The following ASIP variants were observed in gnomAD, a reference collection of about 807,000 sequenced individuals.
The protein encoded by ASIP is agouti-signaling protein.
ASIP carries 11 observed loss-of-function variants against 10.3 expected under a neutral mutation model. The ratio of observed to expected loss-of-function variants is 1.07; its 90% CI spans 0.68 to 1.78. ASIP has a LOEUF of 1.78. Among genes scored for constraint, ASIP ranks in the 40% most tolerant of loss-of-function variants. The pLI is 0.00. For missense variants in ASIP, 180 were observed against 169.2 expected (o/e 1.06, Z -0.35); for synonymous variants, 70 against 70.8 (o/e 0.99, Z 0.06).
intron 1 of ASIP, among the ~76,000 whole-genome samples, chr20:34,224,045 A>C (rs1319940066): frequency 4.3e-4 from 55 of 128,774 alleles, no homozygotes; most frequent in African/African-American, 1.2e-3. Context: ...GTCATCACCA[A>C]TCCCTAATCT....
At chr20:34,245,129 T>G (rs532380650) in intron 1 of ASIP, among the ~76,000 whole-genome samples, 1 of 150,404 alleles carries the variant, frequency 6.6e-6, no homozygotes, top group Non-Finnish European at 1.5e-5. Context: ...AGGTCAGGAG[T>G]TCGAGACCAG....
chr20:34,232,141 G>A (rs1029118199), intron 1 of ASIP, among the ~76,000 whole-genome samples: 1 of 152,152 alleles, frequency 6.6e-6, no homozygotes, highest in Non-Finnish European at 1.5e-5. Flanking sequence ...ACTGAGTTTG[G>A]GGAACCCACA....
At chr20:34,221,322 GA>G (rs1219851724) in intron 1 of ASIP, among the ~76,000 whole-genome samples, 1 of 151,948 alleles carries the variant, frequency 6.6e-6, no homozygotes, top group Non-Finnish European at 1.5e-5. Context: ...AGCTTAAGGT[GA>G]GCCGAGATCG....
intron 1 of ASIP, among the ~76,000 whole-genome samples, chr20:34,245,474 G>C (rs566321101): frequency 6.7e-6 from 1 of 148,500 alleles, no homozygotes; most frequent in African/African-American, 2.5e-5. Context: ...TGCAACCTCC[G>C]CCTCCCAGGT....
chr20:34,263,661 C>CTTTTTTT (rs200772515), intron 3 of ASIP, among the ~76,000 whole-genome samples: 7 of 134,420 alleles, frequency 5.2e-5, no homozygotes, highest in Non-Finnish European at 6.1e-5. Flanking sequence ...TATTTTATGT[C>CTTTTTTT]TTTTTTTTTT....
upstream of ASIP, among the ~76,000 whole-genome samples, chr20:34,239,584 T>A (rs2122600939): frequency 6.6e-6 from 1 of 152,338 alleles, no homozygotes; most frequent in South Asian, 2.1e-4. Context: ...GCGTCTACAT[T>A]ATCTCATTGG....
In ASIP at chr20:34,230,724, A is replaced by AC. The variant is rs1193705955; in HGVS notation, c.-10-29634dup. On this transcript the variant is annotated intron_variant, in intron 1 of 3. Transcript: ENST00000568305. ...GGGCGGCTGGCCGGGCGGGGGGCTG[A>AC]CCCCCCCACCTCCCTCCCGGATGGG... 6.1e-5 allele frequency among the ~76,000 whole-genome samples: 2 copies of AC among 32,796 alleles called. 1 individual carries two copies. Among genetic ancestry groups the AC allele is most frequent in the Non-Finnish European group, 9.9e-5 (2 of 20,124 alleles). The allele number at this position is 32,796 out of a possible 152,430, so 21.5% of individuals were successfully genotyped here.
At position 34,215,578 on chromosome 20, in the gene ASIP, G is replaced by A. The variant is rs115931157; in HGVS notation, c.-11+20818G>A. ...CAAAAAGCAAGGCGAGGACTTGGGC[G>A]GCTTTATTTGGTATAAAGGTCTTCT... On this transcript the variant is annotated intron_variant, in intron 1 of 3. Transcript: ENST00000568305. 1.8e-3 allele frequency: 2,664 copies of A among 1,494,414 alleles called. 47 individuals are homozygous for A. The African/African-American group carries it at 0.034, about 19-fold the overall frequency. The allele number at this position is 1,494,414 out of a possible 1,614,324, so 92.6% of individuals were successfully genotyped here.
chr20:34,265,852 A>C (rs1456392272), intron 3 of ASIP, among the ~76,000 whole-genome samples: 1 of 150,896 alleles, frequency 6.6e-6, no homozygotes, highest in Non-Finnish European at 1.5e-5. Flanking sequence ...CAGGAGACTG[A>C]GGCAGGAGAA....
In ASIP at chr20:34,226,684, AATAG is replaced by A. The variant is rs558353012; in HGVS notation, c.-11+31926_-11+31929del. 2.0e-5 allele frequency among the ~76,000 whole-genome samples: 3 copies of A among 152,296 alleles called. No individual in the cohort carries two copies. In the South Asian group the frequency reaches 6.2e-4, roughly 32 times the overall value. Reference sequence around the variant, plus strand: ...TTTTAAAAAGTCTTAACAAACTAATAATAGAAAGGAACTTCCTCAGTCTGATAAA... The same window carrying A: ...TTTTAAAAAGTCTTAACAAACTAATAAAAGGAACTTCCTCAGTCTGATAAA... On this transcript the variant is annotated intron_variant, in intron 1 of 3. Transcript: ENST00000568305.
At chr20:34,235,848 G>GAAA (rs2035184106) in intron 1 of ASIP, among the ~76,000 whole-genome samples, 1 of 39,546 alleles carries the variant, frequency 2.5e-5, no homozygotes, top group African/African-American at 3.3e-4. Flanking sequence ...AAAGAAGGAA[G>GAAA]GAAGGAAGGA....
Position 34,215,151 on chromosome 20 carries a change from T to C in ASIP, c.-11+20391T>C, listed in dbSNP as rs924943563. The stretch of plus-strand genomic sequence containing the variant: ...CCATTCCTTTATTTACAACTTCAAA[T>C]AAACAGTCACATGCTTCTTCCCGTA... On this transcript the variant is annotated intron_variant, in intron 1 of 3. Coordinates refer to the ASIP transcript ENST00000568305. 4 of 1,594,816 alleles carry C rather than the reference T, an allele frequency of 2.5e-6. No individual in the cohort carries two copies. In the African/African-American group the frequency reaches 5.4e-5, roughly 21 times the overall value.
At chr20:34,200,559 T>C (rs924224879) in intron 1 of ASIP, among the ~76,000 whole-genome samples, 1 of 152,254 alleles carries the variant, frequency 6.6e-6, no homozygotes, top group African/African-American at 2.4e-5. Flanking sequence ...TTGCCCCAAA[T>C]TGTAGTTTTT....
At chr20:34,195,124 G>T (rs1318108616) in intron 1 of ASIP, among the ~76,000 whole-genome samples, 1 of 141,802 alleles carries the variant, frequency 7.1e-6, no homozygotes, top group African/African-American at 3.1e-5. Flanking sequence ...AGCTGAGAAG[G>T]TACCAGAAAA....
At chr20:34,243,558 G>C (rs911944568) in intron 1 of ASIP, among the ~76,000 whole-genome samples, 12 of 152,066 alleles carry the variant, frequency 7.9e-5, no homozygotes, top group Admixed American at 1.3e-4. Context: ...CATTTGCTAA[G>C]AACTGTGGAG....
intron 1 of ASIP, among the ~76,000 whole-genome samples, chr20:34,202,999 G>A (rs1265900188): frequency 4.0e-5 from 6 of 151,580 alleles, no homozygotes; most frequent in Non-Finnish European, 7.4e-5. Flanking sequence ...TAGTAGCGAC[G>A]GGGTTTCACC....
chr20:34,238,789 C>A (rs2035244398), upstream of ASIP, among the ~76,000 whole-genome samples: 1 of 151,982 alleles, frequency 6.6e-6, no homozygotes, highest in Non-Finnish European at 1.5e-5. Context: ...CAGGTTCTCC[C>A]CTTTCCTCAG....
At chr20:34,200,031 T>C (rs1444426688) in intron 1 of ASIP, among the ~76,000 whole-genome samples, 1 of 152,258 alleles carries the variant, frequency 6.6e-6, no homozygotes, top group African/African-American at 2.4e-5. Context: ...TATATTGTTA[T>C]TTGTTGAAAA....
intron 1 of ASIP, among the ~76,000 whole-genome samples, chr20:34,216,890 A>G (rs1412926183): frequency 6.6e-6 from 1 of 152,172 alleles, no homozygotes; most frequent in Non-Finnish European, 1.5e-5. Flanking sequence ...GCATTTCCAT[A>G]TAAATTTTAG....
Sources: gnomAD v4.1 joint callset for allele counts (sites outside exome capture counted in the v4.1 genomes callset) on GRCh38, gnomAD v4.1.1 for gene constraint, MANE v1.5 for transcripts, NCBI Gene and HGNC (gene_info 2026-07-23, HGNC 2026-07-21) for gene names.